Variants in USP28 observed in about 807,000 individuals in gnomAD.
USP28 encodes the protein ubiquitin carboxyl-terminal hydrolase 28.
In USP28, 113 loss-of-function variants were observed where a neutral mutation model predicts 145.0. The observed-to-expected ratio is 0.78, with a 90% CI of 0.67 to 0.91. The LOEUF is 0.91. Among genes scored for constraint, USP28 ranks in the 40% least tolerant of loss-of-function variants. The probability of loss-of-function intolerance (pLI) is 0.00; values close to 1 mark genes in which losing one functional copy is unlikely to be tolerated. For synonymous variants in USP28, 447 were observed against 450.9 expected (o/e 0.99, Z 0.11); for missense variants, 1,201 against 1,289.6 (o/e 0.93, Z 1.05).
In USP28 at chr11:113,838,359, T is replaced by G. The variant is rs1279513205; in HGVS notation, c.534+2239A>C. Among the ~76,000 whole-genome samples, 4 of 152,224 alleles carry G rather than the reference T, an allele frequency of 2.6e-5. No homozygotes were observed. The East Asian group carries it at 7.7e-4, about 29-fold the overall frequency. On this transcript the variant is annotated intron_variant, in intron 5 of 24. Transcript: ENST00000003302. ...TGATCCTTTTAAACTGGAAGTATGA[T>G]CATATCACTTCTCTGCTCCAAACCT...
intron 3 of USP28, among the ~76,000 whole-genome samples, chr11:113,852,100 T>C (rs912646350): frequency 6.6e-6 from 1 of 152,132 alleles, no homozygotes; most frequent in Non-Finnish European, 1.5e-5. Flanking sequence ...GCGATCTCAG[T>C]TCACTGCAAG....
intron 1 of USP28, 135 bp from the exon 2 acceptor site, chr11:113,854,470 C>T (rs913142514): frequency 1.9e-5 from 13 of 701,232 alleles, no homozygotes; most frequent in South Asian, 5.7e-5. Context: ...GGCCGGATCT[C>T]GGCTCACTGC....
At chr11:113,836,919 C>A (rs1164491398) in intron 5 of USP28, among the ~76,000 whole-genome samples, 7 of 152,322 alleles carry the variant, frequency 4.6e-5, no homozygotes, top group Non-Finnish European at 1.0e-4. Context: ...ACACACCAAG[C>A]CCATTCCCAC....
chr11:113,823,426 C>G (rs1942918334), intron 12 of USP28, among the ~76,000 whole-genome samples, 179 bp downstream of exon 12: 1 of 152,074 alleles, frequency 6.6e-6, no homozygotes, highest in East Asian at 1.9e-4. Context: ...TTATTTACCC[C>G]CATGAATAAT....
At chr11:113,859,801 C>T (rs17116071) in intron 1 of USP28, among the ~76,000 whole-genome samples, 1,543 of 152,312 alleles carry the variant, frequency 0.01, 34 homozygotes, top group African/African-American at 0.036. Flanking sequence ...AGTCAAATAA[C>T]TTGCAAGAGC....
At chr11:113,828,701 C>T (rs1217710923) in intron 10 of USP28, 1 of 311,992 alleles carries the variant, frequency 3.2e-6, no homozygotes, top group Non-Finnish European at 6.3e-6. Context: ...CCTTTAACTT[C>T]CCCCGTCTTT....
In USP28 at chr11:113,834,329, AG is replaced by A. The variant is rs1187431380; in HGVS notation, c.540del (p.Gln182AsnfsTer43). On this transcript the variant is annotated frameshift_variant, in exon 6 of 25. Coordinates refer to ENST00000003302, the Ensembl canonical transcript of USP28. LOFTEE classifies it high-confidence loss of function. ...AGTCTTCGAAATTCAGGCAATTGAAAGAGAGACTGAAATAAAGAAAGAAAGG... is the reference window on the plus strand; with the variant it reads ...AGTCTTCGAAATTCAGGCAATTGAAAAGAGACTGAAATAAAGAAAGAAAGG... 7.5e-6 allele frequency: 12 copies of A among 1,607,822 alleles called. No individual in the cohort carries two copies. The highest frequency in any genetic ancestry group is 1.0e-5 in the Non-Finnish European group (12 of 1,176,680).
intron 1 of USP28, among the ~76,000 whole-genome samples, chr11:113,862,111 C>T (rs1395144290): frequency 6.6e-6 from 1 of 152,202 alleles, no homozygotes; most frequent in African/African-American, 2.4e-5. Context: ...CTTTACGGGG[C>T]TGAGGCGGGC....
exon 25 of USP28, chr11:113,798,723 T>C (rs1385390319): frequency 2.0e-5 from 3 of 152,640 alleles, no homozygotes; most frequent in Non-Finnish European, 4.4e-5. Context: ...TCTACCCACA[T>C]GTAAAAGGGT....
At chr11:113,826,974 C>A (rs766177692) in intron 11 of USP28, among the ~76,000 whole-genome samples, 1 of 151,510 alleles carries the variant, frequency 6.6e-6, no homozygotes, top group Non-Finnish European at 1.5e-5. Context: ...AGCACCCCCA[C>A]CCCCAGAATT....
At chr11:113,856,192 T>C (rs1947032148) in intron 1 of USP28, among the ~76,000 whole-genome samples, 5 of 152,220 alleles carry the variant, frequency 3.3e-5, no homozygotes, top group Admixed American at 3.3e-4. Context: ...TCCATTTGAT[T>C]TTACTGTATA....
At chr11:113,859,597 CTATATA>C (rs976981009) in intron 1 of USP28, 3 of 150,972 alleles carry the variant, frequency 2.0e-5, no homozygotes, top group African/African-American at 7.3e-5. Flanking sequence ...AATCCTCGTA[CTATATA>C]TATATATTTA....
intron 1 of USP28, among the ~76,000 whole-genome samples, chr11:113,857,654 TGATCTCAGA>T (rs1308379221): frequency 6.6e-6 from 1 of 152,224 alleles, no homozygotes; most frequent in East Asian, 1.9e-4. Flanking sequence ...AAGAACATCT[TGATCTCAGA>T]GATCTCAGAA....
chr11:113,864,696 C>A (rs538130723), intron 1 of USP28, among the ~76,000 whole-genome samples: 1 of 152,042 alleles, frequency 6.6e-6, no homozygotes, highest in South Asian at 2.1e-4. Context: ...AGGCCCACTA[C>A]CCACATTAGG....
intron 1 of USP28, among the ~76,000 whole-genome samples, chr11:113,871,955 T>C (rs1433443945): frequency 6.6e-6 from 1 of 152,154 alleles, no homozygotes; most frequent in Non-Finnish European, 1.5e-5. Flanking sequence ...AACTGTACCA[T>C]ATCCTCACTG....
At chr11:113,812,437 T>C (rs766197188) in exon 16 of USP28, 12 of 1,614,126 alleles carry the variant, frequency 7.4e-6, no homozygotes, top group Admixed American at 1.7e-5. Context: ...ATTATAGATA[T>C]AGGCCCAATA....
At chr11:113,818,754 G>A (rs561312832) in intron 12 of USP28, among the ~76,000 whole-genome samples, 171 of 152,116 alleles carry the variant, frequency 1.1e-3, no homozygotes, top group Middle Eastern at 6.8e-3. Context: ...CCAGCTCCTT[G>A]GGAGGCTGAG....
intron 1 of USP28, among the ~76,000 whole-genome samples, chr11:113,867,993 A>G (rs1948463755): frequency 6.6e-6 from 1 of 152,140 alleles, no homozygotes; most frequent in Non-Finnish European, 1.5e-5. Context: ...GCAGATCTTT[A>G]GTTTGGTTTT....
intron 22 of USP28, 97 bp downstream of exon 23, chr11:113,803,701 G>A (rs1939447450): frequency 5.3e-6 from 5 of 944,462 alleles, no homozygotes; most frequent in Non-Finnish European, 6.6e-6. Flanking sequence ...TGACAAGGGA[G>A]GTTATGCATG....
Sources: gnomAD v4.1 joint callset for allele counts (sites outside exome capture counted in the v4.1 genomes callset) on GRCh38, gnomAD v4.1.1 for gene constraint, MANE v1.5 for transcripts, NCBI Gene and HGNC (gene_info 2026-07-23, HGNC 2026-07-21) for gene names.